The following TRIM33 variants were observed in gnomAD, a reference collection of about 807,000 sequenced individuals.
TRIM33 encodes the protein tripartite motif containing 33, also known as E3 ubiquitin-protein ligase TRIM33.
A neutral mutation model predicts 125.4 loss-of-function variants in TRIM33; 20 were observed. The observed-to-expected ratio is 0.16, with a 90% CI of 0.11 to 0.23. The LOEUF is 0.23. Among genes scored for constraint, TRIM33 ranks in the 10% least tolerant of loss-of-function variants. The pLI, the probability that TRIM33 is intolerant of heterozygous loss-of-function variation, is 1.00. For missense variants in TRIM33, 920 were observed against 1,411.4 expected (o/e 0.65, Z 5.58); for synonymous variants, 564 against 513.9 (o/e 1.10, Z -1.32).
intron 1 of TRIM33, among the ~76,000 whole-genome samples, chr1:114,506,753 T>C (rs910269532): frequency 9.9e-5 from 15 of 152,216 alleles, no homozygotes; most frequent in Non-Finnish European, 1.8e-4. Context: ...AAAAGCTCAC[T>C]ATTGAGATTC....
At chr1:114,461,889 A>C (rs1472117994) in intron 4 of TRIM33, among the ~76,000 whole-genome samples, 1 of 152,226 alleles carries the variant, frequency 6.6e-6, no homozygotes, top group Non-Finnish European at 1.5e-5. Context: ...GAGCACAAAA[A>C]TTTAATAAAT....
At chr1:114,421,300 G>T in intron 11 of TRIM33, 136 bp downstream of exon 11, 2 of 805,708 alleles carry the variant, frequency 2.5e-6, no homozygotes, top group Non-Finnish European at 3.9e-6. Context: ...GAGACTTTTA[G>T]TGATTTAGAC....
Position 114,407,044 on chromosome 1 carries a change from T to C in TRIM33, c.2315A>G (p.Gln772Arg), listed in dbSNP as rs746047002. 3.7e-6 allele frequency: 6 copies of C among 1,613,946 alleles called. No individual in the cohort carries two copies. In the South Asian group the frequency reaches 4.4e-5, roughly 12 times the overall value. ...EKTSLSFKSD[Q>R]VKVKQEPGTE... The stretch of plus-strand genomic sequence containing the variant: ...CCCAGGTTCTTGCTTGACCTTCACC[T>C]GATCAGATTTGAAACTAAGACTTGT... Residue 772 changes from glutamine to arginine, a missense_variant, in exon 14 of 20, where the codon CAG (glutamine) becomes CGG (arginine). Gln to Arg is a conservative substitution (Grantham distance 43, BLOSUM62 1). Around this residue, in one of 8 missense-constraint regions of TRIM33, gnomAD observed 407 missense variants for 589.7 expected, o/e 0.69. Coordinates refer to ENST00000358465, the MANE Select transcript of TRIM33 (RefSeq NM_015906.4).
intron 1 of TRIM33, among the ~76,000 whole-genome samples, chr1:114,467,537 C>G (rs909148303): frequency 1.3e-5 from 2 of 151,978 alleles, no homozygotes; most frequent in Admixed American, 1.3e-4. Context: ...CCAATATTTA[C>G]AAGTCAAGCA....
chr1:114,435,621 TGGAGGACAG>T (rs1200097398), intron 4 of TRIM33, among the ~76,000 whole-genome samples: 2 of 152,096 alleles, frequency 1.3e-5, no homozygotes, highest in Non-Finnish European at 2.9e-5. Flanking sequence ...ACAAGAAGAA[TGGAGGACAG>T]TAGGAGAGAA....
intron 1 of TRIM33, among the ~76,000 whole-genome samples, chr1:114,487,357 A>AC (rs1651767641): frequency 6.6e-6 from 1 of 150,992 alleles, no homozygotes; most frequent in Admixed American, 6.6e-5. Flanking sequence ...AAAAAAAAAA[A>AC]CAACCTGGCT....
chr1:114,413,223 T>C (rs1170794747), intron 11 of TRIM33, among the ~76,000 whole-genome samples: 3 of 152,006 alleles, frequency 2.0e-5, no homozygotes, highest in Non-Finnish European at 4.4e-5. Flanking sequence ...TGGAATACCA[T>C]ATGGATTAAA....
intron 12 of TRIM33, 49 bp downstream of exon 12, chr1:114,410,135 A>G (rs1557846871): frequency 3.7e-6 from 6 of 1,605,582 alleles, no homozygotes; most frequent in Non-Finnish European, 5.1e-6. Context: ...AGATACTGAC[A>G]CTGTTTTTTT....
Position 114,433,669 on chromosome 1 carries a change from G to C in TRIM33, c.988C>G (p.Leu330Val), listed in dbSNP as rs1357607148. 6.2e-7 allele frequency: 1 copy of C among 1,612,888 alleles called. No individual in the cohort carries two copies. The highest frequency in any genetic ancestry group is 8.5e-7 in the Non-Finnish European group (1 of 1,179,502). Residue 330 changes from leucine (L) to valine (V), a missense_variant, in exon 5 of 20, where the codon CTT becomes GTT. Leu to Val is a conservative substitution (Grantham distance 32). Coordinates refer to ENST00000358465, the MANE Select transcript of TRIM33 (RefSeq NM_015906.4). ...TGAACATAATTCTTCTTCTCAAGAA[G>C]TTTCGCCAGTAGATTCTCAATTGCA... is the stretch of plus-strand genomic sequence containing the variant. ...KGAIENLLAK[L>V]LEKKNYVHFA...
chr1:114,395,287 C>T lies in TRIM33; in HGVS notation c.*2361G>A. The T allele has an allele frequency of 4.9e-6, 1 of 204,746 alleles. No homozygotes were observed. The highest frequency in any genetic ancestry group is 1.0e-5 in the Non-Finnish European group (1 of 100,148). 12.7% of individuals were successfully genotyped at this position (204,746 alleles called of 1,614,324 possible). On this transcript the variant is annotated 3_prime_UTR_variant, in exon 20 of 20. Transcript: ENST00000358465. ...AGAAGTGGAGGCTATTAAATGTTGA[C>T]AAAAAAGTGGCTTTTAAATTGCTTT... is the stretch of plus-strand genomic sequence containing the variant.
intron 8 of TRIM33, 54 bp from the exon 9 acceptor site, chr1:114,425,777 T>C (rs1647531844): frequency 7.7e-7 from 1 of 1,301,634 alleles, no homozygotes; most frequent in Non-Finnish European, 1.1e-6. Flanking sequence ...TCATCTACTT[T>C]GTTGAGTAAT....
At chr1:114,482,793 T>G (rs546052688) in intron 1 of TRIM33, among the ~76,000 whole-genome samples, 1 of 152,326 alleles carries the variant, frequency 6.6e-6, no homozygotes, top group East Asian at 1.9e-4. Context: ...CTCTTCCTCC[T>G]GTCAGCCGTA....
chr1:114,459,577 C>T (rs769614777), intron 4 of TRIM33, among the ~76,000 whole-genome samples: 3 of 152,102 alleles, frequency 2.0e-5, no homozygotes, highest in Admixed American at 6.6e-5. Context: ...TAAATCCAGC[C>T]TGGGCGACAT....
At chr1:114,493,023 C>G (rs764224876) in intron 1 of TRIM33, among the ~76,000 whole-genome samples, 3 of 152,188 alleles carry the variant, frequency 2.0e-5, no homozygotes, top group Non-Finnish European at 4.4e-5. Context: ...TTACATTCCA[C>G]CAGCAATATA....
At chr1:114,457,620 C>T (rs563516097) in intron 4 of TRIM33, among the ~76,000 whole-genome samples, 1 of 152,308 alleles carries the variant, frequency 6.6e-6, no homozygotes, top group African/African-American at 2.4e-5. Context: ...TATTTATAAG[C>T]AGGTAGCTTC....
Position 114,511,146 on chromosome 1 carries a change from C to G in TRIM33, c.-70G>C. ...CCCGCGTCGCCGCCGCCGCCGCCCCCAGCCCCAGCCGCAGCCGCAGCAAGA... is the reference window on the plus strand; with the variant it reads ...CCCGCGTCGCCGCCGCCGCCGCCCCGAGCCCCAGCCGCAGCCGCAGCAAGA... On this transcript the variant is annotated 5_prime_UTR_variant, in exon 1 of 20. Transcript: ENST00000358465. 9.3e-7 allele frequency: 1 copy of G among 1,069,974 alleles called. No homozygotes were observed. Among genetic ancestry groups the G allele is most frequent in the South Asian group, 4.4e-5 (1 of 22,988 alleles). 66.3% of individuals were successfully genotyped at this position (1,069,974 alleles called of 1,614,324 possible).
intron 1 of TRIM33, among the ~76,000 whole-genome samples, chr1:114,476,836 T>C (rs553753913): frequency 2.6e-4 from 39 of 152,216 alleles, no homozygotes; most frequent in Non-Finnish European, 4.4e-4. Flanking sequence ...TTAGAAGACG[T>C]TGCCATTTTA....
At chr1:114,399,321 T>G in intron 18 of TRIM33, 136 bp downstream of exon 18, 1 of 674,434 alleles carries the variant, frequency 1.5e-6, no homozygotes, top group Non-Finnish European at 2.4e-6. Flanking sequence ...GAGCTGTTAA[T>G]ACAATCAGAT....
At chr1:114,445,820 A>G (rs1648938845) in intron 4 of TRIM33, among the ~76,000 whole-genome samples, 1 of 152,156 alleles carries the variant, frequency 6.6e-6, no homozygotes, top group Non-Finnish European at 1.5e-5. Context: ...CTGCCCACCC[A>G]GAATTCTAGA....
Sources: allele counts gnomAD v4.1 joint callset (sites outside exome capture counted in the v4.1 genomes callset), GRCh38; gene constraint gnomAD v4.1.1; regional missense constraint gnomAD v4.1.1; transcripts MANE v1.5; gene names NCBI Gene and HGNC (gene_info 2026-07-23, HGNC 2026-07-21).